The following ATXN1 variants were observed in gnomAD, a reference collection of about 807,000 sequenced individuals.
ATXN1 encodes ataxin 1.
In ATXN1, 8 loss-of-function variants were observed where a neutral mutation model predicts 56.4. The ratio of observed to expected loss-of-function variants is 0.14; its 90% CI spans 0.08 to 0.26. The LOEUF (loss-of-function observed/expected upper bound fraction) is 0.26. ATXN1 is among the 10% of genes least tolerant of loss of function. The pLI is 1.00. For missense variants in ATXN1, 987 were observed against 1,106.5 expected (o/e 0.89, Z 1.53); for synonymous variants, 514 against 494.6 (o/e 1.04, Z -0.52).
At chr6:16,449,474 C>T (rs1487171391) in intron 6 of ATXN1, among the ~76,000 whole-genome samples, 4 of 152,130 alleles carry the variant, frequency 2.6e-5, no homozygotes, top group Admixed American at 2.6e-4. Flanking sequence ...GATGAGCCCT[C>T]CCTCAGGCTT....
intron 4 of ATXN1, among the ~76,000 whole-genome samples, chr6:16,581,228 CGCGTGTGTGT>C: frequency 8.0e-6 from 1 of 125,570 alleles, no homozygotes; most frequent in African/African-American, 2.8e-5. Context: ...TGTGTGTGCG[CGCGTGTGTGT>C]GTGTGTGTGT....
At chr6:16,439,253 G>GA (rs1759453456) in intron 6 of ATXN1, among the ~76,000 whole-genome samples, 1 of 148,814 alleles carries the variant, frequency 6.7e-6, no homozygotes, top group Admixed American at 6.8e-5. Context: ...AAGCCAAAAA[G>GA]AAAAATGTGA....
chr6:16,533,118 T>G (rs1761536317), intron 4 of ATXN1, among the ~76,000 whole-genome samples: 1 of 152,222 alleles, frequency 6.6e-6, no homozygotes, highest in African/African-American at 2.4e-5. Context: ...GAAAACGTTC[T>G]GAAGATGGAT....
In ATXN1 at chr6:16,419,770, G is replaced by A. The variant is rs143170537; in HGVS notation, c.-161+66202C>T. On this transcript the variant is annotated intron_variant, in intron 6 of 7. Transcript: ENST00000436367. Reference sequence around the variant, plus strand: ...CCTTTGTGTACTAGGGGAATGTGTGGTGAGGCTGGAGGGGACAGAGCTGGC... The same window carrying A: ...CCTTTGTGTACTAGGGGAATGTGTGATGAGGCTGGAGGGGACAGAGCTGGC... 1.6e-4 allele frequency among the ~76,000 whole-genome samples: 24 copies of A among 152,308 alleles called. 1 individual carries two copies. Among genetic ancestry groups the A allele is most frequent in the African/African-American group, 5.5e-4 (23 of 41,566 alleles).
intron 6 of ATXN1, among the ~76,000 whole-genome samples, chr6:16,366,988 T>C (rs1471656380): frequency 1.3e-5 from 2 of 151,794 alleles, no homozygotes; most frequent in African/African-American, 4.9e-5. Context: ...ATCTCATGCA[T>C]AGAGCCCAAA....
chr6:16,437,495 G>A (rs1368343595), intron 6 of ATXN1, among the ~76,000 whole-genome samples: 2 of 152,246 alleles, frequency 1.3e-5, no homozygotes, highest in East Asian at 3.8e-4. Flanking sequence ...CAAACAGCAA[G>A]TCAGAAGGCA....
chr6:16,743,221 T>A (rs1760403534), intron 2 of ATXN1, among the ~76,000 whole-genome samples: 2 of 152,250 alleles, frequency 1.3e-5, no homozygotes. Flanking sequence ...ATAAGTGCAG[T>A]ACTATAAAAC....
At chr6:16,549,072 T>C (rs1761867949) in intron 4 of ATXN1, among the ~76,000 whole-genome samples, 2 of 152,136 alleles carry the variant, frequency 1.3e-5, no homozygotes, top group Non-Finnish European at 1.5e-5. Flanking sequence ...ATAACACACA[T>C]GGACCTGTCA....
In ATXN1 at chr6:16,328,117, G is replaced by T. The variant is rs1211266501; in HGVS notation, c.194C>A (p.Thr65Asn). The T allele has an allele frequency of 6.3e-6, 10 of 1,591,188 alleles. No homozygotes were observed. The highest frequency in any genetic ancestry group is 8.6e-6 in the Non-Finnish European group (10 of 1,164,890). ...HGGGRHGPAG[T>N]SVELGLQQGI... ...CTGTTGTAAACCAAGCTCCACCGAG[G>T]TCCCTGCCGGCCCATGCCTCCCGCC... The change falls in exon 7 of 8, where the codon ACC (threonine) becomes AAC (asparagine). Residue 65 changes from threonine to asparagine, a missense_variant. Around this residue, in one of 3 missense-constraint regions of ATXN1, gnomAD observed 723 missense variants for 791.7 expected, o/e 0.91. Coordinates refer to ENST00000436367, the MANE Select transcript of ATXN1 (RefSeq NM_001128164.2). The surrounding 1 kb of genome is among the most constrained non-coding windows in gnomAD (Gnocchi z 6.2).
At chr6:16,337,582 A>G (rs1343818617) in intron 6 of ATXN1, among the ~76,000 whole-genome samples, 1 of 152,256 alleles carries the variant, frequency 6.6e-6, no homozygotes, top group Non-Finnish European at 1.5e-5. Context: ...GTTGAGTTGG[A>G]GTTTTTAAGA....
In ATXN1 at chr6:16,647,388, G is replaced by A. The variant is rs530157191; in HGVS notation, c.-489+10388C>T. The stretch of plus-strand genomic sequence containing the variant: ...CTCAACATTACACAGCCATTAAGTG[G>A]AAGTTCGGTATTCAAACCCAGGAAG... On this transcript the variant is annotated intron_variant, in intron 3 of 7. Transcript: ENST00000436367. Among the ~76,000 whole-genome samples, 13 of 152,280 alleles carry A rather than the reference G, an allele frequency of 8.5e-5. No homozygotes were observed. The South Asian group carries it at 2.5e-3, about 29-fold the overall frequency.
At chr6:16,635,396 G>C (rs146451059) in intron 3 of ATXN1, among the ~76,000 whole-genome samples, 1 of 151,988 alleles carries the variant, frequency 6.6e-6, no homozygotes, top group Non-Finnish European at 1.5e-5. Flanking sequence ...ACCATCCCCC[G>C]CTCCACCCTA....
At position 16,726,680 on chromosome 6, in the gene ATXN1, C is replaced by G. The variant is rs1759857498; in HGVS notation, c.-615+26553G>C. Among the ~76,000 whole-genome samples the G allele has an allele frequency of 2.6e-5, 4 of 152,072 alleles. No individual in the cohort carries two copies. In the South Asian group the frequency reaches 8.3e-4, roughly 32 times the overall value. ...AGGAGTTCAAGACTAGCCTGGCCAA[C>G]ACGGTGAAACTCCATCTCTACTAAA... On this transcript the variant is annotated intron_variant, in intron 2 of 7. Coordinates refer to ENST00000436367, the MANE Select transcript of ATXN1 (RefSeq NM_001128164.2).
chr6:16,328,670 G>T lies in ATXN1; in HGVS notation c.-160-200C>A, dbSNP rs185212427. Among the ~76,000 whole-genome samples the T allele has an allele frequency of 6.6e-6, 1 of 152,126 alleles. No homozygotes were observed. The highest frequency in any genetic ancestry group is 1.5e-5 in the Non-Finnish European group (1 of 68,024). On this transcript the variant is annotated intron_variant, in intron 6 of 7. Coordinates refer to ENST00000436367, the MANE Select transcript of ATXN1 (RefSeq NM_001128164.2). The surrounding 1 kb of genome is among the most constrained non-coding windows in gnomAD (Gnocchi z 6.2). ...AGAGAAAACACTAGCCAACACTTTG[G>T]GAGGCCGAGGCAGGCAGATCACGAG...
chr6:16,653,635 G>A (rs866687399), intron 3 of ATXN1, among the ~76,000 whole-genome samples: 32 of 152,136 alleles, frequency 2.1e-4, no homozygotes, highest in African/African-American at 7.7e-4. Flanking sequence ...AGGGGCTCCT[G>A]TCATTACCAC....
chr6:16,361,422 T>G (rs1456131511), intron 6 of ATXN1, among the ~76,000 whole-genome samples: 1 of 152,224 alleles, frequency 6.6e-6, no homozygotes. Context: ...AAACATGTTT[T>G]GCACATACAC....
At chr6:16,538,307 G>A (rs1761644101) in intron 4 of ATXN1, among the ~76,000 whole-genome samples, 2 of 152,158 alleles carry the variant, frequency 1.3e-5, no homozygotes, top group African/African-American at 4.8e-5. Context: ...GAGGATTAAA[G>A]GGTTAATATA....
chr6:16,690,110 A>G (rs1759015072), intron 2 of ATXN1, among the ~76,000 whole-genome samples: 1 of 152,126 alleles, frequency 6.6e-6, no homozygotes, highest in South Asian at 2.1e-4. Flanking sequence ...TTTGTCTTAG[A>G]GACGGGGTCT....
intron 4 of ATXN1, among the ~76,000 whole-genome samples, chr6:16,566,649 C>A (rs1004182395): frequency 1.3e-5 from 2 of 151,974 alleles, no homozygotes; most frequent in Admixed American, 6.6e-5. Context: ...GTCAGGAGAT[C>A]AAGACCATCC....
Sources: allele counts gnomAD v4.1 joint callset (sites outside exome capture counted in the v4.1 genomes callset), GRCh38; gene constraint gnomAD v4.1.1; regional missense constraint gnomAD v4.1.1; non-coding constraint Gnocchi (gnomAD v3.1); transcripts MANE v1.5; gene names NCBI Gene and HGNC (gene_info 2026-07-23, HGNC 2026-07-21).